The following LMTK3 variants were observed in gnomAD, a reference collection of about 807,000 sequenced individuals.
LMTK3 encodes lemur tail kinase 3.
In LMTK3, 27 loss-of-function variants were observed where a neutral mutation model predicts 116.7. The ratio of observed to expected loss-of-function variants is 0.23; its 90% CI spans 0.17 to 0.32. The LOEUF (loss-of-function observed/expected upper bound fraction) is 0.32, where lower values mean the gene tolerates loss of function less well. Ranked by LOEUF, LMTK3 falls within the 10% of genes least tolerant of loss-of-function variation. The pLI, the probability that LMTK3 is intolerant of heterozygous loss-of-function variation, is 1.00. For missense variants in LMTK3, 1,764 were observed against 2,068.5 expected (o/e 0.85, Z 2.86); for synonymous variants, 965 against 971.0 (o/e 0.99, Z 0.11).
chr19:48,485,487 AGT>A lies in LMTK3; in HGVS notation c.*284_*285del, dbSNP rs917229556. On this transcript the variant is annotated 3_prime_UTR_variant, in exon 15 of 15. Coordinates refer to ENST00000600059, the MANE Select transcript of LMTK3 (RefSeq NM_001388485.1). ...AGGGGCTCCAGGCCCAAAAGAGTTC[AGT>A]TCAGTTCCGAGAAAGGCGGCTCTCT... is the stretch of plus-strand genomic sequence containing the variant. 5 of 419,360 alleles carry A rather than the reference AGT, an allele frequency of 1.2e-5. No homozygotes were observed. Among genetic ancestry groups the A allele is most frequent in the Non-Finnish European group, 2.2e-5 (5 of 228,292 alleles). The allele number at this position is 419,360 out of a possible 1,614,324, so 26.0% of individuals were successfully genotyped here.
Position 48,485,750 on chromosome 19 carries a change from A to G in LMTK3, c.*23T>C. 1 of 1,609,354 alleles carries G rather than the reference A, an allele frequency of 6.2e-7. No homozygotes were observed. The highest frequency in any genetic ancestry group is 1.1e-5 in the South Asian group (1 of 90,120). ...TTCTCAACCCCTCTTCTGAGGGTGC[A>G]GCGGGGTCGGGTCTTCGGGGAATCA... On this transcript the variant is annotated 3_prime_UTR_variant, in exon 15 of 15. Transcript: ENST00000600059.
Position 48,491,061 on chromosome 19 carries a change from G to A in LMTK3, c.4366+47C>T. The A allele has an allele frequency of 3.2e-6, 4 of 1,264,530 alleles. No individual in the cohort carries two copies. Among genetic ancestry groups the A allele is most frequent in the African/African-American group, 1.5e-5 (1 of 64,740 alleles). 78.3% of individuals were successfully genotyped at this position (1,264,530 alleles called of 1,614,324 possible). On this transcript the variant is annotated intron_variant, in intron 14 of 14. Transcript: ENST00000600059. This position sits in a 1 kb window ranked among gnomAD's most constrained non-coding sequence, Gnocchi z 5.1. The stretch of plus-strand genomic sequence containing the variant: ...ACAAGAAGTTGGCAGTGGAACATAG[G>A]GGGACAGAGATGGGCAGAGGAGGGG...
At chr19:48,505,041 C>T (rs938858301) in intron 5 of LMTK3, among the ~76,000 whole-genome samples, 2 of 149,504 alleles carry the variant, frequency 1.3e-5, no homozygotes, top group Non-Finnish European at 3.0e-5. Flanking sequence ...CTGTCACATA[C>T]TGCCTCATTT....
chr19:48,502,309 C>T, intron 7 of LMTK3, 124 bp downstream of exon 7: 3 of 1,175,478 alleles, frequency 2.6e-6, no homozygotes, highest in South Asian at 1.5e-5. Context: ...ATACCCTCCT[C>T]GGTTCGTCCC....
At chr19:48,506,441 C>T (rs1446162365) in intron 5 of LMTK3, among the ~76,000 whole-genome samples, 1 of 152,128 alleles carries the variant, frequency 6.6e-6, no homozygotes, top group Non-Finnish European at 1.5e-5. Context: ...AGGATGAGAA[C>T]ATTTCAGGCT....
chr19:48,497,955 A>G lies in LMTK3; in HGVS notation c.3114T>C (p.Gly1038=), dbSNP rs1601047487. 1 of 1,575,646 alleles carries G rather than the reference A, an allele frequency of 6.3e-7. No homozygotes were observed. Among genetic ancestry groups the G allele is most frequent in the Non-Finnish European group, 8.6e-7 (1 of 1,165,736 alleles). Reference sequence around the variant, plus strand: ...CTGGCTCCCCGATCGTGGGGGCTGGACCCCAACTCTCGGGCGTCTTCTCCC... The same window carrying G: ...CTGGCTCCCCGATCGTGGGGGCTGGGCCCCAACTCTCGGGCGTCTTCTCCC... ...GPWEKTPESW[G]PAPTIGEPAP... The change falls in exon 11 of 15, where the codon GGT becomes GGC. Residue 1038 remains glycine, a synonymous_variant. Coordinates refer to ENST00000600059, the MANE Select transcript of LMTK3 (RefSeq NM_001388485.1). This position sits in a 1 kb window ranked among gnomAD's most constrained non-coding sequence, Gnocchi z 5.7.
intron 14 of LMTK3, among the ~76,000 whole-genome samples, chr19:48,486,047 C>CTTTTTTTT (rs141193575): frequency 1.7e-5 from 1 of 59,712 alleles, no homozygotes; most frequent in Non-Finnish European, 2.9e-5. Context: ...AACATTCTTC[C>CTTTTTTTT]TTTTTTTTTT....
chr19:48,507,738 A>T (rs145329374), intron 5 of LMTK3, among the ~76,000 whole-genome samples: 1,627 of 152,288 alleles, frequency 0.011, 32 homozygotes, highest in African/African-American at 0.036. Context: ...GGCCTCCCAA[A>T]GTGCCGGGAC....
chr19:48,485,732 C>A lies in LMTK3; in HGVS notation c.*41G>T, dbSNP rs1157842217. 6.2e-7 allele frequency: 1 copy of A among 1,601,664 alleles called. No homozygotes were observed. Among genetic ancestry groups the A allele is most frequent in the Non-Finnish European group, 8.5e-7 (1 of 1,173,400 alleles). On this transcript the variant is annotated 3_prime_UTR_variant, in exon 15 of 15. Coordinates refer to ENST00000600059, the MANE Select transcript of LMTK3 (RefSeq NM_001388485.1). ...CATCCACAGAGGATTCCATTCTCAA[C>A]CCCTCTTCTGAGGGTGCAGCGGGGT...
chr19:48,490,161 C>T (rs959027924), intron 14 of LMTK3, among the ~76,000 whole-genome samples: 4 of 152,146 alleles, frequency 2.6e-5, no homozygotes, highest in African/African-American at 7.2e-5. Context: ...ACTCAGAGGC[C>T]GCGCAACTGT....
At position 48,493,712 on chromosome 19, in the gene LMTK3, G is replaced by C. The variant is rs375864636; in HGVS notation, c.4074C>G (p.Thr1358=). Reference sequence around the variant, plus strand: ...TCCGCACCTGGTCGAAGAGGTAGACGGTCACGTCCCCGTGGAAGGAGACCA... The same window carrying C: ...TCCGCACCTGGTCGAAGAGGTAGACCGTCACGTCCCCGTGGAAGGAGACCA... The part of the protein sequence containing the change: ...RKMVSFHGDV[T]VYLFDQETPT... Residue 1358 remains threonine (T), a synonymous_variant, in exon 12 of 15, where the codon ACC becomes ACG. Coordinates refer to ENST00000600059, the MANE Select transcript of LMTK3 (RefSeq NM_001388485.1). 6.3e-7 allele frequency: 1 copy of C among 1,576,138 alleles called. No individual in the cohort carries two copies. Among genetic ancestry groups the C allele is most frequent in the Non-Finnish European group, 8.6e-7 (1 of 1,162,526 alleles).
At chr19:48,510,949 C>T (rs1972648066) in intron 1 of LMTK3, among the ~76,000 whole-genome samples, 1 of 152,206 alleles carries the variant, frequency 6.6e-6, no homozygotes, top group South Asian at 2.1e-4. Flanking sequence ...CGTGGACAGC[C>T]TCATTACCCC....
chr19:48,495,656 C>T (rs1972311202), intron 11 of LMTK3, among the ~76,000 whole-genome samples: 1 of 152,244 alleles, frequency 6.6e-6, no homozygotes, highest in Non-Finnish European at 1.5e-5. Context: ...CACTTCCTGA[C>T]CCTTGCCCAC....
chr19:48,491,129 C>A lies in LMTK3; in HGVS notation c.4345G>T (p.Ala1449Ser). 7.3e-7 allele frequency: 1 copy of A among 1,372,756 alleles called. No homozygotes were observed. The highest frequency in any genetic ancestry group is 2.8e-5 in the East Asian group (1 of 35,522). 85.0% of individuals were successfully genotyped at this position (1,372,756 alleles called of 1,614,324 possible). ...ALETPGPPAR[A>S]PDARPAGPVE... ...GTACCTGCGGGCCGGGCGTCGGGGG[C>A]CCGGGCGGGTGGCCCCGGGGTCTCC... is the stretch of plus-strand genomic sequence containing the variant. The change falls in exon 14 of 15, where the codon GCC (alanine) becomes TCC (serine). Residue 1449 changes from alanine to serine, a missense_variant. Physicochemically the swap from Ala to Ser is moderately conservative, Grantham distance 99. Around this residue, in one of 7 missense-constraint regions of LMTK3, gnomAD observed 281 missense variants for 301.4 expected, o/e 0.93. Transcript: ENST00000600059. This position sits in a 1 kb window ranked among gnomAD's most constrained non-coding sequence, Gnocchi z 5.1.
At chr19:48,505,319 G>A (rs1178462309) in intron 5 of LMTK3, among the ~76,000 whole-genome samples, 3 of 151,790 alleles carry the variant, frequency 2.0e-5, no homozygotes, top group African/African-American at 7.3e-5. Context: ...TCACCATGTT[G>A]GCCAGGCTGG....
chr19:48,507,080 G>A (rs1010284813), intron 5 of LMTK3, among the ~76,000 whole-genome samples: 7 of 152,216 alleles, frequency 4.6e-5, no homozygotes, highest in Admixed American at 4.6e-4. Context: ...GCAGGAGCCC[G>A]ACAAAGTGTT....
In LMTK3 at chr19:48,493,920, T is replaced by C. The variant is rs1972276712; in HGVS notation, c.3866A>G (p.Glu1289Gly). The C allele has an allele frequency of 2.9e-6, 3 of 1,029,846 alleles. No homozygotes were observed. The highest frequency in any genetic ancestry group is 3.5e-6 in the Non-Finnish European group (3 of 862,924). The allele number at this position is 1,029,846 out of a possible 1,614,324, so 63.8% of individuals were successfully genotyped here. A position where few individuals can be genotyped will look rare whatever the true frequency, so the allele number is the denominator to read the frequency against. Residue 1289 changes from glutamate to glycine, a missense_variant, in exon 12 of 15, where the codon GAG becomes GGG. By Grantham distance (98) the Glu-to-Gly change is moderately conservative (BLOSUM62 -2). Coordinates refer to ENST00000600059, the MANE Select transcript of LMTK3 (RefSeq NM_001388485.1). ...CGCCGCGCCCGGCGCCGCCGCCTCC[T>C]CGTCCTCCTCCTCGTCCTCGTCCTC... ...EDEDEDEEEDEEAAAPGAAAG... is the reference protein window; with the variant it reads ...EDEDEDEEEDGEAAAPGAAAG...
chr19:48,493,381 C>G (rs1477048157), intron 12 of LMTK3, among the ~76,000 whole-genome samples: 7 of 139,568 alleles, frequency 5.0e-5, no homozygotes, highest in Non-Finnish European at 8.9e-5. Flanking sequence ...AGCTCGGCCC[C>G]GCCCCAGGCC....
Position 48,499,101 on chromosome 19 carries a change from G to T in LMTK3, c.1968C>A (p.Ser656Arg). ...CCCGGCGGCTTGGGCCACCTCCAAG[G>T]CTGCTGCTGTCTTCCCCTGGGGAGC... ...EGSSPGEDSS[S>R]LGGGPSRRGP... Residue 656 changes from serine to arginine, a missense_variant, in exon 11 of 15, where the codon AGC becomes AGA. Ser to Arg is a moderately radical substitution (Grantham distance 110, BLOSUM62 -1). Around this residue, in one of 7 missense-constraint regions of LMTK3, gnomAD observed 1,028 missense variants for 1,050.6 expected, o/e 0.98. Transcript: ENST00000600059. 1 of 1,556,850 alleles carries T rather than the reference G, an allele frequency of 6.4e-7. No individual in the cohort carries two copies.
Sources: allele counts gnomAD v4.1 joint callset (sites outside exome capture counted in the v4.1 genomes callset), GRCh38; gene constraint gnomAD v4.1.1; regional missense constraint gnomAD v4.1.1; non-coding constraint Gnocchi (gnomAD v3.1); transcripts MANE v1.5; gene names NCBI Gene and HGNC (gene_info 2026-07-23, HGNC 2026-07-21).